The following IFI44 variants were observed in gnomAD, a reference collection of about 807,000 sequenced individuals.
The protein encoded by IFI44 is interferon-induced protein 44.
In IFI44, 42 loss-of-function variants were observed where a neutral mutation model predicts 45.0. That is an observed-to-expected ratio of 0.93 (90% CI 0.73 to 1.21). The LOEUF (loss-of-function observed/expected upper bound fraction) is 1.21, where lower values mean the gene tolerates loss of function less well. Ranked by LOEUF, IFI44 falls within the 50% of genes most tolerant of loss-of-function variation. The pLI is 0.00. For synonymous variants in IFI44, 221 were observed against 188.6 expected (o/e 1.17, Z -1.41); for missense variants, 623 against 525.8 (o/e 1.18, Z -1.81).
At chr1:78,659,523 G>T (rs758124215) in intron 6 of IFI44, 40 bp downstream of exon 6, 25 of 1,509,354 alleles carry the variant, frequency 1.7e-5, no homozygotes, top group Non-Finnish European at 2.2e-5. Context: ...ATACCACTAA[G>T]GGTAATTGAC....
At chr1:78,662,606 G>T in intron 7 of IFI44, 98 bp from the exon 8 acceptor site, 1 of 928,982 alleles carries the variant, frequency 1.1e-6, no homozygotes, top group Admixed American at 2.7e-5. Context: ...GGAAATTATT[G>T]CAAGTTCCTA....
intron 3 of IFI44, 47 bp downstream of exon 3, chr1:78,654,326 A>G (rs1647171316): frequency 9.8e-7 from 1 of 1,024,716 alleles, no homozygotes; most frequent in African/African-American, 1.6e-5. Context: ...ATTATCTTTG[A>G]CTTATTCTAT....
chr1:78,657,348 C>T (rs993896091), intron 5 of IFI44, among the ~76,000 whole-genome samples: 1 of 151,996 alleles, frequency 6.6e-6, no homozygotes, highest in Admixed American at 6.6e-5. Flanking sequence ...TAGACTTCTA[C>T]GTAATCTGAA....
chr1:78,654,270 G>T lies in IFI44; in HGVS notation c.485G>T (p.Gly162Val). Residue 162 changes from glycine to valine, a missense_variant, in exon 3 of 9, where the codon GGG becomes GTG. Gly to Val is a moderately radical substitution (Grantham distance 109). Transcript: ENST00000370747. ...EDSLDERKIKGVIELRKSLLS... is the reference protein window; with the variant it reads ...EDSLDERKIKVVIELRKSLLS... The stretch of plus-strand genomic sequence containing the variant: ...TCACTGGATGAAAGAAAGATAAAAG[G>T]GGTCATTGAGTAAGTCAATGTTTTT... 6.8e-7 allele frequency: 1 copy of T among 1,480,782 alleles called. No individual in the cohort carries two copies. Among genetic ancestry groups the T allele is most frequent in the Non-Finnish European group, 9.4e-7 (1 of 1,060,818 alleles). The allele number at this position is 1,480,782 out of a possible 1,614,324, so 91.7% of individuals were successfully genotyped here.
At chr1:78,651,428 G>C (rs1223822029) in intron 2 of IFI44, among the ~76,000 whole-genome samples, 1 of 152,088 alleles carries the variant, frequency 6.6e-6, no homozygotes, top group African/African-American at 2.4e-5. Context: ...TTCCGCCACC[G>C]ATCTGACAGG....
At chr1:78,656,883 A>T (rs541086194) in intron 5 of IFI44, among the ~76,000 whole-genome samples, 2 of 151,484 alleles carry the variant, frequency 1.3e-5, no homozygotes, top group Admixed American at 1.3e-4. Context: ...TCTTTTTTAA[A>T]TACAAACTTT....
intron 5 of IFI44, among the ~76,000 whole-genome samples, chr1:78,656,914 A>G (rs562635838): frequency 4.6e-5 from 7 of 151,788 alleles, no homozygotes; most frequent in Admixed American, 4.6e-4. Context: ...GAATTTTAAA[A>G]TATACAAAGT....
chr1:78,655,645 G>C (rs1647195877), intron 5 of IFI44, 134 bp downstream of exon 5: 1 of 760,220 alleles, frequency 1.3e-6, no homozygotes, highest in Non-Finnish European at 2.0e-6. Context: ...TTTTCAAAAA[G>C]AATAAAAACA....
Position 78,650,628 on chromosome 1 carries a change from G to C in IFI44, c.433G>C (p.Asp145His). 6.3e-7 allele frequency: 1 copy of C among 1,591,516 alleles called. No homozygotes were observed. The highest frequency in any genetic ancestry group is 8.5e-7 in the Non-Finnish European group (1 of 1,171,282). The change falls in exon 2 of 9, where the codon GAT (aspartate) becomes CAT (histidine). Residue 145 changes from aspartate to histidine, a missense_variant. Asp to His is a moderately conservative substitution (Grantham distance 81, BLOSUM62 -1). Transcript: ENST00000370747. The part of the protein sequence containing the change: ...LAQNCTISIQ[D>H]YEVFRCEDSL... Reference sequence around the variant, plus strand: ...TCAAAATTGTACTATCTCTATTCAGGATTATGAAGTTTTTCGATGCGAAGG... The same window carrying C: ...TCAAAATTGTACTATCTCTATTCAGCATTATGAAGTTTTTCGATGCGAAGG...
Position 78,663,882 on chromosome 1 carries a change from C to T in IFI44, c.*71C>T, listed in dbSNP as rs1570408870. 4.8e-6 allele frequency: 7 copies of T among 1,472,594 alleles called. No individual in the cohort carries two copies. The highest frequency in any genetic ancestry group is 1.2e-5 in the South Asian group (1 of 81,694). The allele number at this position is 1,472,594 out of a possible 1,614,324, so 91.2% of individuals were successfully genotyped here. ...AAATTCAGAAAGGAGAAAACACAGA[C>T]CAAAGAGAAGTATCTAAGACCAAAG... On this transcript the variant is annotated 3_prime_UTR_variant, in exon 9 of 9. Coordinates refer to ENST00000370747, the MANE Select transcript of IFI44 (RefSeq NM_006417.5).
chr1:78,657,510 T>C (rs978997912), intron 5 of IFI44, among the ~76,000 whole-genome samples: 6 of 152,138 alleles, frequency 3.9e-5, no homozygotes, highest in African/African-American at 1.2e-4. Context: ...AATATGGGGA[T>C]TTATCCCTTT....
At position 78,655,386 on chromosome 1, in the gene IFI44, G is replaced by A. The variant is rs142991349; in HGVS notation, c.715G>A (p.Gly239Arg). ...GTATAGGACATACTCTATTAGAGAC[G>A]GGAAAGATGGCAAATACCTGCCGTT... ...EKYRTYSIRD[G>R]KDGKYLPFIL... is the part of the protein sequence containing the mutation. Residue 239 changes from glycine (G) to arginine (R), a missense_variant, in exon 5 of 9, where the codon GGG becomes AGG. Physicochemically the swap from Gly to Arg is moderately radical, Grantham distance 125. Coordinates refer to ENST00000370747, the MANE Select transcript of IFI44 (RefSeq NM_006417.5). 1,452 of 1,612,976 alleles carry A rather than the reference G, an allele frequency of 9.0e-4. 30 individuals carry two copies. In the South Asian group the frequency reaches 0.013, roughly 14 times the overall value.
At chr1:78,654,217 A>G (rs766394778) in intron 2 of IFI44, 26 bp from the exon 3 acceptor site, 2 of 1,302,598 alleles carry the variant, frequency 1.5e-6, no homozygotes, top group South Asian at 2.4e-5. Context: ...CTTCTAATCT[A>G]CATTATTCTT....
At chr1:78,653,330 GT>G (rs1048652473) in intron 2 of IFI44, among the ~76,000 whole-genome samples, 167 of 152,106 alleles carry the variant, frequency 1.1e-3, no homozygotes, top group African/African-American at 3.8e-3. Context: ...GGGTATTAAA[GT>G]TATTTAAGAC....
At chr1:78,657,816 T>A (rs766408185) in intron 5 of IFI44, among the ~76,000 whole-genome samples, 6 of 152,164 alleles carry the variant, frequency 3.9e-5, no homozygotes, top group Non-Finnish European at 5.9e-5. Context: ...ATACATTGTG[T>A]GTTTCAATCC....
chr1:78,663,132 C>G, intron 8 of IFI44: 4 of 985,208 alleles, frequency 4.1e-6, no homozygotes, highest in Non-Finnish European at 4.8e-6. Context: ...AATAATCCAC[C>G]TCTGTCATTT....
chr1:78,661,750 G>A (rs1267271890), intron 7 of IFI44, among the ~76,000 whole-genome samples: 1 of 152,102 alleles, frequency 6.6e-6, no homozygotes, highest in Non-Finnish European at 1.5e-5. Flanking sequence ...TGTTAAAGGG[G>A]TTCGGGGAGA....
intron 2 of IFI44, 111 bp from the exon 3 acceptor site, chr1:78,654,132 G>A: frequency 1.4e-6 from 1 of 718,318 alleles, no homozygotes; most frequent in South Asian, 1.5e-5. Flanking sequence ...CCATTCTCAT[G>A]GAAAGGCTAT....
Position 78,655,006 on chromosome 1 carries a change from C to T in IFI44, c.495-8C>T. 6.3e-7 allele frequency: 1 copy of T among 1,599,824 alleles called. No homozygotes were observed. Among genetic ancestry groups the T allele is most frequent in the Middle Eastern group, 1.7e-4 (1 of 5,722 alleles). On this transcript the variant is annotated splice_polypyrimidine_tract_variant and splice_region_variant and intron_variant, in intron 3 of 8. Transcript: ENST00000370747. ...AGTCAATTGTTAAAAACGGTCATGT[C>T]TAAACAGGCTCAGGAAGAGCTTACT...
Sources: allele counts gnomAD v4.1 joint callset (sites outside exome capture counted in the v4.1 genomes callset), GRCh38; gene constraint gnomAD v4.1.1; transcripts MANE v1.5; gene names NCBI Gene and HGNC (gene_info 2026-07-23, HGNC 2026-07-21).